The following ITFG2 variants were observed in gnomAD, a reference collection of about 807,000 sequenced individuals.
The protein encoded by ITFG2 is KICSTOR complex protein ITFG2.
A neutral mutation model predicts 54.4 loss-of-function variants in ITFG2; 36 were observed. The observed-to-expected ratio is 0.66, with a 90% CI of 0.51 to 0.87. ITFG2 has a LOEUF of 0.87. Among genes scored for constraint, ITFG2 ranks in the 40% least tolerant of loss-of-function variants. The pLI, the probability that ITFG2 is intolerant of heterozygous loss-of-function variation, is 0.00. For synonymous variants in ITFG2, 211 were observed against 225.4 expected, an observed-to-expected ratio of 0.94 and a Z score of 0.57; for missense variants, 524 against 576.7, an observed-to-expected ratio of 0.91 and a Z score of 0.94.
upstream of ITFG2, among the ~76,000 whole-genome samples, chr12:2,832,791 C>A (rs1226158676): frequency 6.7e-6 from 1 of 149,820 alleles, no homozygotes. Context: ...GACTCTTCCC[C>A]CAGGCTCTAT....
chr12:2,817,396 C>A, intron 2 of ITFG2, 78 bp downstream of exon 2: 1 of 954,776 alleles, frequency 1.0e-6, no homozygotes, highest in South Asian at 1.4e-5. Flanking sequence ...GAGCCCCACA[C>A]AGGTGCTCAC....
intron 2 of ITFG2, 118 bp downstream of exon 2, chr12:2,817,436 C>A: frequency 1.5e-6 from 1 of 671,748 alleles, no homozygotes; most frequent in Non-Finnish European, 2.5e-6. Context: ...AGCTACTGGG[C>A]CCAGCCACTG....
downstream of ITFG2, chr12:2,827,341 C>T: frequency 6.3e-7 from 1 of 1,588,410 alleles, no homozygotes; most frequent in South Asian, 1.1e-5. The surrounding 1 kb of genome is among the most constrained non-coding windows in gnomAD (Gnocchi z 4.0). Flanking sequence ...CCTCAGCCCG[C>T]CACCTGCCTC....
At chr12:2,815,011 T>C (rs944014227) in intron 1 of ITFG2, among the ~76,000 whole-genome samples, 26 of 151,968 alleles carry the variant, frequency 1.7e-4, no homozygotes, top group Non-Finnish European at 3.4e-4. Flanking sequence ...TTCACTCTTA[T>C]TGTCCAGGCT....
intron 10 of ITFG2, 123 bp downstream of exon 10, chr12:2,823,034 T>A: frequency 1.4e-6 from 1 of 729,448 alleles, no homozygotes; most frequent in Non-Finnish European, 2.4e-6. Context: ...TAAGTCTTCA[T>A]TCACCAGTGA....
chr12:2,859,753 G>C, exon 4 of ITFG2: 1 of 946,120 alleles, frequency 1.1e-6, no homozygotes, highest in South Asian at 1.7e-5. Context: ...TCTTTGTGTC[G>C]TTTTGAAGTC....
At chr12:2,827,112 A>C (rs2097971158), downstream of ITFG2, 2 of 1,581,726 alleles carry the variant, frequency 1.3e-6, no homozygotes, top group African/African-American at 1.4e-5. The surrounding 1 kb of genome is among the most constrained non-coding windows in gnomAD (Gnocchi z 4.0). Context: ...CAGACACCAT[A>C]GTCCCCAGCT....
chr12:2,830,401 G>A (rs935544316), intron 2 of ITFG2: 2 of 242,428 alleles, frequency 8.2e-6, no homozygotes, highest in Non-Finnish European at 7.9e-6. Flanking sequence ...CCAGAATTAC[G>A]TTATCCATGC....
downstream of ITFG2, chr12:2,827,481 GGTAA>G (rs1289498759): frequency 1.3e-6 from 2 of 1,536,376 alleles, no homozygotes; most frequent in Non-Finnish European, 1.7e-6. The surrounding 1 kb of genome is among the most constrained non-coding windows in gnomAD (Gnocchi z 4.0). Context: ...TTCACTTGGT[GGTAA>G]GTAAGGAACC....
At position 2,845,738 on chromosome 12, in the gene ITFG2, C is replaced by G. The variant is rs1052799704; in HGVS notation, n.300+4743C>G. 6.6e-6 allele frequency among the ~76,000 whole-genome samples: 1 copy of G among 152,148 alleles called. No individual in the cohort carries two copies. On this transcript the variant is annotated intron_variant and non_coding_transcript_variant, in intron 2 of 3. Coordinates refer to the ITFG2 transcript ENST00000537710. This position sits in a 1 kb window ranked among gnomAD's most constrained non-coding sequence, Gnocchi z 4.2. ...GTGGATCTTTAGGCAGATACAGATA[C>G]AGAGATTCCCCCCACCCCACCCCAC...
intron 6 of ITFG2, 43 bp from the exon 7 acceptor site, chr12:2,821,219 C>A: frequency 6.8e-7 from 1 of 1,476,484 alleles, no homozygotes; most frequent in African/African-American, 1.4e-5. Context: ...GAGAGCTCAG[C>A]TCACTTGGTC....
rs758275937 is a variant in ITFG2 at position 2,823,778 on chromosome 12, G to A, written c.1075G>A (p.Ala359Thr). 46 of 1,565,586 alleles carry A rather than the reference G, an allele frequency of 2.9e-5. No individual in the cohort carries two copies. Among genetic ancestry groups the A allele is most frequent in the East Asian group, 4.5e-5 (2 of 44,402 alleles). Residue 359 changes from alanine (A) to threonine (T), a missense_variant, in exon 11 of 12, where the codon GCC becomes ACC. Transcript: ENST00000228799. ...CTGCCAACATCTTCCAGGCCTGTAC[G>A]CCTGCAAAGAGGGCCGCAACAGCCC... ...NIRAFCAGLY[A>T]CKEGRNSPCL...
At chr12:2,818,438 A>AT in intron 4 of ITFG2, 161 bp downstream of exon 4, 1 of 1,427,410 alleles carries the variant, frequency 7.0e-7, no homozygotes, top group Non-Finnish European at 9.4e-7. Context: ...AGGCACTGGA[A>AT]TTGCCATAGT....
chr12:2,835,993 G>A (rs1211897702), upstream of ITFG2, among the ~76,000 whole-genome samples: 2 of 152,166 alleles, frequency 1.3e-5, no homozygotes, highest in African/African-American at 4.8e-5. Flanking sequence ...GTGTAACATA[G>A]TATTCCATTA....
intron 2 of ITFG2, among the ~76,000 whole-genome samples, chr12:2,851,446 G>A (rs867196390): frequency 2.6e-5 from 4 of 152,054 alleles, no homozygotes; most frequent in Admixed American, 6.6e-5. Flanking sequence ...GCATTCAAGC[G>A]ATTCTCCTGC....
downstream of ITFG2, chr12:2,826,902 A>G: frequency 9.8e-7 from 1 of 1,015,602 alleles, no homozygotes; most frequent in Non-Finnish European, 1.3e-6. Flanking sequence ...CCAAGCAGGC[A>G]CCCCATTGTG....
At chr12:2,842,213 C>T (rs1055061394) in intron 2 of ITFG2, among the ~76,000 whole-genome samples, 1 of 146,964 alleles carries the variant, frequency 6.8e-6, no homozygotes, top group Non-Finnish European at 1.5e-5. Flanking sequence ...CGTCTGCCTC[C>T]TGGGTTCAAG....
chr12:2,856,117 C>T (rs553347818), intron 2 of ITFG2, among the ~76,000 whole-genome samples: 10 of 152,188 alleles, frequency 6.6e-5, no homozygotes, highest in African/African-American at 2.4e-4. Flanking sequence ...CTTATTGAAC[C>T]CCCACAACTC....
chr12:2,824,051 A>G lies in ITFG2; in HGVS notation c.1241-39A>G, dbSNP rs763294832. 3.7e-6 allele frequency: 6 copies of G among 1,613,738 alleles called. No individual in the cohort carries two copies. In the African/African-American group the frequency reaches 6.7e-5, roughly 18 times the overall value. On this transcript the variant is annotated intron_variant, in intron 11 of 11. Transcript: ENST00000228799. ...AAAGCCAGTGGCCCGGGTGCCCAGG[A>G]GACCCACAGCCTCTTACCCACCCCT... is the stretch of plus-strand genomic sequence containing the variant.
Sources: allele counts gnomAD v4.1 joint callset (sites outside exome capture counted in the v4.1 genomes callset), GRCh38; gene constraint gnomAD v4.1.1; non-coding constraint Gnocchi (gnomAD v3.1); transcripts MANE v1.5; gene names NCBI Gene and HGNC (gene_info 2026-07-23, HGNC 2026-07-21).